HYDIN: variants seen among roughly 807,000 people sequenced by gnomAD.
HYDIN encodes the protein HYDIN axonemal central pair apparatus protein.
HYDIN carries 132 observed loss-of-function variants against 403.9 expected under a neutral mutation model. The observed-to-expected ratio is 0.33, with a 90% CI of 0.28 to 0.38. The LOEUF is 0.38. Ranked by LOEUF, HYDIN falls within the 10% of genes least tolerant of loss-of-function variation. The probability of loss-of-function intolerance (pLI) is 1.00; values close to 1 mark genes in which losing one functional copy is unlikely to be tolerated. For synonymous variants in HYDIN, 1,202 were observed against 1,891.7 expected (o/e 0.64, Z 9.46); for missense variants, 2,827 against 5,009.5 (o/e 0.56, Z 13.15).
chr16:71,202,305 T>C (rs998345739), intron 1 of HYDIN, among the ~76,000 whole-genome samples: 1 of 152,228 alleles, frequency 6.6e-6, no homozygotes, highest in Non-Finnish European at 1.5e-5. Flanking sequence ...ATTATTTTCA[T>C]TGCAGCAAAT....
chr16:71,026,141 C>G (rs2080689544), intron 20 of HYDIN, among the ~76,000 whole-genome samples: 1 of 152,234 alleles, frequency 6.6e-6, no homozygotes, highest in African/African-American at 2.4e-5. Context: ...CACAGGTGAC[C>G]CACCCACCTC....
At chr16:71,184,535 T>C (rs977321386) in intron 3 of HYDIN, among the ~76,000 whole-genome samples, 1 of 152,182 alleles carries the variant, frequency 6.6e-6, no homozygotes, top group African/African-American at 2.4e-5. Context: ...GAGAGATTAC[T>C]TGTTACACTA....
Position 70,806,142 on chromosome 16 carries a change from T to C in HYDIN, c.*1438A>G, listed in dbSNP as rs1420370979. On this transcript the variant is annotated 3_prime_UTR_variant, in exon 86 of 86. Coordinates refer to ENST00000393567, the MANE Select transcript of HYDIN (RefSeq NM_001270974.2). ...ATGGGTAGTGATGCTGGCATATTAT[T>C]ATAATTATTACATTTTATTATTATT... Among the ~76,000 whole-genome samples the C allele has an allele frequency of 6.6e-6, 1 of 152,224 alleles. No individual in the cohort carries two copies. Among genetic ancestry groups the C allele is most frequent in the East Asian group, 1.9e-4 (1 of 5,202 alleles).
rs371734390 is a variant in HYDIN at position 70,938,721 on chromosome 16, C to T, written c.6888G>A (p.Lys2296=). The T allele has an allele frequency of 1.9e-6, 3 of 1,614,022 alleles. No individual in the cohort carries two copies. The highest frequency in any genetic ancestry group is 2.5e-6 in the Non-Finnish European group (3 of 1,180,018). The part of the protein sequence containing the change: ...RKHKGALEKE[K]ERLQNMDEEE... ...CCTCATCCATGTTTTGGAGACGCTC[C>T]TTCTCTTTCTCAAGAGCTCCCTTGT... Residue 2296 remains lysine, a synonymous_variant, in exon 44 of 86, where the codon AAG becomes AAA. Coordinates refer to ENST00000393567, the MANE Select transcript of HYDIN (RefSeq NM_001270974.2).
intron 18 of HYDIN, among the ~76,000 whole-genome samples, chr16:71,054,272 ATTTC>A (rs1431825429): frequency 6.6e-6 from 1 of 152,292 alleles, no homozygotes; most frequent in Non-Finnish European, 1.5e-5. Context: ...ATTCATGCAC[ATTTC>A]TTTCCTTTTT....
intron 58 of HYDIN, among the ~76,000 whole-genome samples, chr16:70,884,978 T>G: frequency 6.6e-6 from 1 of 152,234 alleles, no homozygotes; most frequent in Non-Finnish European, 1.5e-5. Context: ...TCAGCTGCAG[T>G]GTGAAGTGGG....
chr16:70,920,959 A>G lies in HYDIN; in HGVS notation c.7417T>C (p.Tyr2473His), dbSNP rs2076978098. 1.9e-6 allele frequency: 3 copies of G among 1,609,622 alleles called. No individual in the cohort carries two copies. The highest frequency in any genetic ancestry group is 2.5e-6 in the Non-Finnish European group (3 of 1,177,858). The change falls in exon 46 of 86, where the codon TAC (tyrosine) becomes CAC (histidine). Residue 2473 changes from tyrosine (Y) to histidine (H), a missense_variant. Physicochemically the swap from Tyr to His is moderately conservative, Grantham distance 83 (BLOSUM62 2). Coordinates refer to ENST00000393567, the MANE Select transcript of HYDIN (RefSeq NM_001270974.2). ...TGGACTCCTTGCTTCCGGTCCCAGT[A>G]CATGAGGATGTTCTGGACATCCTTC... is the stretch of plus-strand genomic sequence containing the variant. ...TLKDVQNILM[Y>H]WDRKQGVQLP...
chr16:70,984,348 G>A (rs2079126149), intron 28 of HYDIN, among the ~76,000 whole-genome samples: 2 of 148,010 alleles, frequency 1.4e-5, no homozygotes, highest in African/African-American at 5.0e-5. Context: ...GTTGAGGTCT[G>A]CACTCCAGTC....
At chr16:71,080,815 C>T (rs967609163) in intron 12 of HYDIN, 1 of 146,808 alleles carries the variant, frequency 6.8e-6, no homozygotes. Flanking sequence ...TCCTAGTAGG[C>T]CCACTGTAAT....
At chr16:71,196,587 C>G (rs1243050150) in intron 1 of HYDIN, among the ~76,000 whole-genome samples, 1 of 152,162 alleles carries the variant, frequency 6.6e-6, no homozygotes, top group Non-Finnish European at 1.5e-5. Flanking sequence ...ACCAGGGTAA[C>G]TCCATGCTGA....
At chr16:71,218,204 G>T (rs2088991652) in intron 1 of HYDIN, among the ~76,000 whole-genome samples, 2 of 152,190 alleles carry the variant, frequency 1.3e-5, no homozygotes, top group Non-Finnish European at 2.9e-5. Context: ...GTTAGCGACT[G>T]TTCCAAAGAT....
intron 18 of HYDIN, among the ~76,000 whole-genome samples, chr16:71,059,470 C>T (rs536203714): frequency 1.3e-5 from 2 of 152,250 alleles, no homozygotes; most frequent in African/African-American, 2.4e-5. Context: ...TATTTCTGGG[C>T]TCTCTATTCT....
At chr16:70,955,835 T>C (rs2078218225) in intron 39 of HYDIN, among the ~76,000 whole-genome samples, 1 of 152,176 alleles carries the variant, frequency 6.6e-6, no homozygotes, top group South Asian at 2.1e-4. Flanking sequence ...TTCTTTTTTT[T>C]TGAGATGGAG....
Position 70,860,879 on chromosome 16 carries a change from C to T in HYDIN, c.11800G>A (p.Glu3934Lys), listed in dbSNP as rs1213723705. 1 of 626,242 alleles carries T rather than the reference C, an allele frequency of 1.6e-6. No homozygotes were observed. Among genetic ancestry groups the T allele is most frequent in the East Asian group, 2.7e-5 (1 of 36,368 alleles). The allele number at this position is 626,242 out of a possible 1,614,324, so 38.8% of individuals were successfully genotyped here. Residue 3934 changes from glutamate (E) to lysine (K), a missense_variant, in exon 70 of 86, where the codon GAG becomes AAG. Glu to Lys is a moderately conservative substitution (Grantham distance 56, BLOSUM62 1). Transcript: ENST00000393567. ...TTTGCTACCAGGACCGGACCTTGCT[C>T]TCCAGGTGGCAGGTTGGGAATCCTG... Reference protein sequence around the residue: ...FCQIPNLPPGEQGPVLVAKGR... With the variant: ...FCQIPNLPPGKQGPVLVAKGR...
intron 83 of HYDIN, among the ~76,000 whole-genome samples, chr16:70,819,321 T>A (rs1171146943): frequency 6.6e-6 from 1 of 152,108 alleles, no homozygotes; most frequent in Non-Finnish European, 1.5e-5. Context: ...TAAATAGAAA[T>A]GCTTAATTAG....
intron 39 of HYDIN, among the ~76,000 whole-genome samples, chr16:70,958,694 G>A (rs2143943203): frequency 6.6e-6 from 1 of 151,792 alleles, no homozygotes; most frequent in East Asian, 1.9e-4. Context: ...GTTCTTCAAA[G>A]GAAGGGGTAA....
Position 71,129,693 on chromosome 16 carries a change from C to A in HYDIN, c.1174G>T (p.Val392Leu). 1 of 1,614,224 alleles carries A rather than the reference C, an allele frequency of 6.2e-7. No individual in the cohort carries two copies. Among genetic ancestry groups the A allele is most frequent in the African/African-American group, 1.3e-5 (1 of 75,052 alleles). ...AAGAACAGCTTGCTGTCTCCCTGCA[C>A]CAGCCTCCTCTGATTCGCAAAGGTT... ...SRTFANQRRL[V>L]QGDSKLFFNN... Residue 392 changes from valine (V) to leucine (L), a missense_variant, in exon 9 of 86, where the codon GTG (valine) becomes TTG (leucine). Transcript: ENST00000393567.
At chr16:71,028,566 ATTTT>A in intron 19 of HYDIN, among the ~76,000 whole-genome samples, 1 of 147,220 alleles carries the variant, frequency 6.8e-6, no homozygotes, top group African/African-American at 2.5e-5. Context: ...TTTGTTTGGG[ATTTT>A]TTTTTTTCCC....
At chr16:71,005,706 T>A (rs1196636482) in intron 23 of HYDIN, among the ~76,000 whole-genome samples, 1 of 151,380 alleles carries the variant, frequency 6.6e-6, no homozygotes, top group African/African-American at 2.4e-5. Flanking sequence ...TAGCTACAGA[T>A]GTGAGGGTTC....
Sources: allele counts gnomAD v4.1 joint callset (sites outside exome capture counted in the v4.1 genomes callset), GRCh38; gene constraint gnomAD v4.1.1; transcripts MANE v1.5; gene names NCBI Gene and HGNC (gene_info 2026-07-23, HGNC 2026-07-21).